CALN1: variants seen among roughly 807,000 people sequenced by gnomAD.
The protein encoded by CALN1 is calneuron 1.
In CALN1, 17 loss-of-function variants were observed where a neutral mutation model predicts 30.6. The ratio of observed to expected loss-of-function variants is 0.56; its 90% CI spans 0.38 to 0.83. The LOEUF (loss-of-function observed/expected upper bound fraction) is 0.83. CALN1 is among the 40% of genes least tolerant of loss of function. The pLI, the probability that CALN1 is intolerant of heterozygous loss-of-function variation, is 0.00. For synonymous variants in CALN1, 156 were observed against 131.4 expected, an observed-to-expected ratio of 1.19 and a Z score of -1.28; for missense variants, 291 against 354.9, an observed-to-expected ratio of 0.82 and a Z score of 1.45.
At chr7:72,154,053 A>G (rs1787466967) in intron 3 of CALN1, among the ~76,000 whole-genome samples, 1 of 152,104 alleles carries the variant, frequency 6.6e-6, no homozygotes, top group Non-Finnish European at 1.5e-5. Flanking sequence ...ACTGGATCTC[A>G]TGATGAGATG....
chr7:71,964,994 G>T (rs1471606394), intron 5 of CALN1, among the ~76,000 whole-genome samples: 1 of 152,114 alleles, frequency 6.6e-6, no homozygotes, highest in African/African-American at 2.4e-5. Flanking sequence ...GGATTCAGGG[G>T]AAAATAAGAA....
At chr7:72,104,120 G>T in intron 4 of CALN1, 1 of 153,574 alleles carries the variant, frequency 6.5e-6, no homozygotes, top group South Asian at 1.9e-4. Context: ...GAGAATCAAT[G>T]AATGGCCTGG....
At chr7:71,994,851 ATTT>A (rs564198396) in intron 5 of CALN1, among the ~76,000 whole-genome samples, 204 of 123,158 alleles carry the variant, frequency 1.7e-3, no homozygotes, top group African/African-American at 5.1e-3. Context: ...GCCCCTTCCT[ATTT>A]TTTTTTTTTT....
chr7:72,296,123 T>C (rs907142145), intron 2 of CALN1, among the ~76,000 whole-genome samples: 6 of 152,028 alleles, frequency 3.9e-5, no homozygotes, highest in African/African-American at 1.2e-4. Flanking sequence ...GAGATAATCA[T>C]GTGGTTTTTG....
At chr7:72,074,893 A>T (rs1181210819) in intron 4 of CALN1, among the ~76,000 whole-genome samples, 1 of 152,252 alleles carries the variant, frequency 6.6e-6, no homozygotes, top group Non-Finnish European at 1.5e-5. Context: ...TCACACTTCG[A>T]AGAAGTTAAT....
At chr7:71,788,498 T>TG (rs200641007) in intron 6 of CALN1, among the ~76,000 whole-genome samples, 5,141 of 150,408 alleles carry the variant, frequency 0.034, 310 homozygotes, top group African/African-American at 0.12. Flanking sequence ...GTTGTTTTTT[T>TG]TTTTTTTTTT....
At chr7:72,351,366 A>C (rs1447308804) in intron 2 of CALN1, among the ~76,000 whole-genome samples, 1 of 152,154 alleles carries the variant, frequency 6.6e-6, no homozygotes, top group Admixed American at 6.5e-5. Context: ...ATCAGGCTGA[A>C]GTAAATGACA....
intron 2 of CALN1, among the ~76,000 whole-genome samples, chr7:72,312,235 C>T (rs1302923276): frequency 1.3e-5 from 2 of 151,970 alleles, no homozygotes; most frequent in Admixed American, 6.6e-5. Flanking sequence ...GAAACCCTGT[C>T]TCTACTAAAA....
chr7:72,477,544 A>C, the CALN1 span, among the ~76,000 whole-genome samples: 1 of 152,214 alleles, frequency 6.6e-6, no homozygotes, highest in South Asian at 2.1e-4. Context: ...CAGCCTCCTG[A>C]GTAGCTGGGA....
intron 3 of CALN1, among the ~76,000 whole-genome samples, chr7:72,138,339 T>C (rs1809648823): frequency 6.6e-6 from 1 of 152,164 alleles, no homozygotes; most frequent in Non-Finnish European, 1.5e-5. Context: ...AAGAACAAAA[T>C]GTTATTCTAC....
At chr7:72,382,633 G>C (rs898403872) in intron 2 of CALN1, among the ~76,000 whole-genome samples, 4 of 152,030 alleles carry the variant, frequency 2.6e-5, no homozygotes, top group Non-Finnish European at 4.4e-5. Flanking sequence ...TCCTCTAGTA[G>C]TCCTCAGTGT....
intron 3 of CALN1, among the ~76,000 whole-genome samples, chr7:72,225,455 T>C (rs1793603183): frequency 1.3e-5 from 2 of 152,032 alleles, no homozygotes; most frequent in African/African-American, 4.8e-5. Context: ...AGCAGGGCTT[T>C]CCGCCGTGTT....
In CALN1 at chr7:71,782,027, C is replaced by T. The variant is rs1377274141; in HGVS notation, c.*5748G>A. Reference sequence around the variant, plus strand: ...CCAAATGAATATGAAGGAGAAACCACAGCTGTCAAAATGACCATATGCATT... The same window carrying T: ...CCAAATGAATATGAAGGAGAAACCATAGCTGTCAAAATGACCATATGCATT... On this transcript the variant is annotated 3_prime_UTR_variant, in exon 7 of 7. Coordinates refer to ENST00000395275, the MANE Select transcript of CALN1 (RefSeq NM_031468.4). 6.6e-6 allele frequency: 1 copy of T among 152,204 alleles called. No homozygotes were observed. The highest frequency in any genetic ancestry group is 6.5e-5 in the Admixed American group (1 of 15,280). 9.4% of individuals were successfully genotyped at this position (152,204 alleles called of 1,614,324 possible). A position where few individuals can be genotyped will look rare whatever the true frequency, so the allele number is the denominator to read the frequency against.
At chr7:71,964,178 T>A (rs1797411202) in intron 5 of CALN1, among the ~76,000 whole-genome samples, 1 of 152,184 alleles carries the variant, frequency 6.6e-6, no homozygotes, top group Admixed American at 6.5e-5. Context: ...TGTTCCTTTA[T>A]CCCCCGTCAC....
chr7:71,997,831 T>G (rs892207674), intron 5 of CALN1, among the ~76,000 whole-genome samples: 16 of 152,176 alleles, frequency 1.1e-4, no homozygotes, highest in African/African-American at 3.9e-4. Context: ...ATTATTTATT[T>G]AGTTTTGAGA....
chr7:72,329,566 G>A (rs1006418351), intron 2 of CALN1, among the ~76,000 whole-genome samples: 5 of 152,162 alleles, frequency 3.3e-5, no homozygotes, highest in African/African-American at 4.8e-5. Context: ...CTTTTGCACT[G>A]GCTGTTCCCA....
intron 5 of CALN1, among the ~76,000 whole-genome samples, chr7:71,838,437 G>A (rs989845865): frequency 3.2e-4 from 49 of 152,128 alleles, no homozygotes; most frequent in African/African-American, 9.9e-4. Context: ...TTTGATGCCC[G>A]CTTTATAGAG....
intron 5 of CALN1, among the ~76,000 whole-genome samples, chr7:71,918,157 A>G (rs1562898815): frequency 6.6e-6 from 1 of 152,194 alleles, no homozygotes; most frequent in East Asian, 1.9e-4. Flanking sequence ...ACACAGCTAT[A>G]CTTGCTTATC....
chr7:72,340,487 T>A (rs1802328728), intron 2 of CALN1, among the ~76,000 whole-genome samples: 1 of 152,234 alleles, frequency 6.6e-6, no homozygotes, highest in Non-Finnish European at 1.5e-5. Context: ...TCCTTTCCTG[T>A]AAGCCAACTG....
Sources: allele counts gnomAD v4.1 joint callset (sites outside exome capture counted in the v4.1 genomes callset), GRCh38; gene constraint gnomAD v4.1.1; transcripts MANE v1.5; gene names NCBI Gene and HGNC (gene_info 2026-07-23, HGNC 2026-07-21).